The following PRPH2 variants were observed in gnomAD, a reference collection of about 807,000 sequenced individuals.
PRPH2 encodes peripherin 2.
PRPH2 carries 17 observed loss-of-function variants against 31.3 expected under a neutral mutation model. The ratio of observed to expected loss-of-function variants is 0.54; its 90% CI spans 0.37 to 0.81. PRPH2 has a LOEUF of 0.81. PRPH2 is among the 40% of genes least tolerant of loss of function. The pLI is 0.00. For missense variants in PRPH2, 430 were observed against 439.7 expected (o/e 0.98, Z 0.20); for synonymous variants, 165 against 184.4 (o/e 0.89, Z 0.85).
chr6:42,718,241 G>A (rs1761827693), intron 1 of PRPH2, among the ~76,000 whole-genome samples: 2 of 151,804 alleles, frequency 1.3e-5, no homozygotes, highest in Non-Finnish European at 2.9e-5. Flanking sequence ...AGCCTGGGAG[G>A]TGGGAGTTGC....
intron 1 of PRPH2, among the ~76,000 whole-genome samples, chr6:42,706,071 G>A (rs1412518051): frequency 1.3e-5 from 2 of 151,724 alleles, no homozygotes; most frequent in Non-Finnish European, 2.9e-5. Flanking sequence ...AGGAGTTCAA[G>A]ACCAGCCTGG....
Position 42,698,253 on chromosome 6 carries a change from C to T in PRPH2, c.*42G>A. On this transcript the variant is annotated 3_prime_UTR_variant, in exon 3 of 3. Coordinates refer to ENST00000230381, the MANE Select transcript of PRPH2 (RefSeq NM_000322.5). The stretch of plus-strand genomic sequence containing the variant: ...GGGGAGATCCACGTTTCTTGGAGTG[C>T]ACTATTTCTCAGTGTTCGGGAGGGG... The T allele has an allele frequency of 6.2e-7, 1 of 1,610,980 alleles. No homozygotes were observed. Among genetic ancestry groups the T allele is most frequent in the Non-Finnish European group, 8.5e-7 (1 of 1,179,206 alleles).
At chr6:42,720,758 G>C (rs149930118) in intron 1 of PRPH2, among the ~76,000 whole-genome samples, 232 of 152,294 alleles carry the variant, frequency 1.5e-3, no homozygotes, top group African/African-American at 5.5e-3. Flanking sequence ...CAGCCAGGTA[G>C]GGTCGAGTCA....
rs962704411 is a variant in PRPH2, at chr6:42,698,231, G to A, written c.*64C>T. 5.0e-6 allele frequency: 8 copies of A among 1,603,542 alleles called. No individual in the cohort carries two copies. Among genetic ancestry groups the A allele is most frequent in the East Asian group, 2.2e-5 (1 of 44,770 alleles). On this transcript the variant is annotated 3_prime_UTR_variant, in exon 3 of 3. Coordinates refer to ENST00000230381, the MANE Select transcript of PRPH2 (RefSeq NM_000322.5). Reference sequence around the variant, plus strand: ...CAGACTTTCGGAGTTGGATGAGGGGGAGATCCACGTTTCTTGGAGTGCACT... The same window carrying A: ...CAGACTTTCGGAGTTGGATGAGGGGAAGATCCACGTTTCTTGGAGTGCACT...
At chr6:42,709,886 TCAGGTAC>T (rs1800243140) in intron 1 of PRPH2, among the ~76,000 whole-genome samples, 1 of 152,092 alleles carries the variant, frequency 6.6e-6, no homozygotes, top group Non-Finnish European at 1.5e-5. Context: ...CCACCTACCC[TCAGGTAC>T]CTACCAGGTG....
chr6:42,696,840 C>A lies in PRPH2; in HGVS notation c.*1455G>T, dbSNP rs960107437. The stretch of plus-strand genomic sequence containing the variant: ...AACGTCTGACAGGGTGTCCAAACAT[C>A]TTGGATCTGGTCTTCTGCTTGGGGG... On this transcript the variant is annotated 3_prime_UTR_variant, in exon 3 of 3. Coordinates refer to ENST00000230381, the MANE Select transcript of PRPH2 (RefSeq NM_000322.5). 4.0e-5 allele frequency: 6 copies of A among 151,872 alleles called. No individual in the cohort carries two copies. The highest frequency in any genetic ancestry group is 1.5e-4 in the African/African-American group (6 of 41,314). 9.4% of individuals were successfully genotyped at this position (151,872 alleles called of 1,614,324 possible).
intron 1 of PRPH2, among the ~76,000 whole-genome samples, chr6:42,715,251 A>T (rs1403402426): frequency 1.3e-5 from 2 of 152,088 alleles, no homozygotes; most frequent in African/African-American, 2.4e-5. Context: ...AGATTAAGAC[A>T]AAAACTTCCC....
chr6:42,706,845 G>T (rs528450837), intron 1 of PRPH2, among the ~76,000 whole-genome samples: 2 of 152,230 alleles, frequency 1.3e-5, no homozygotes, highest in Non-Finnish European at 2.9e-5. Context: ...TTCCACCAGA[G>T]AGAGGCTTCA....
At chr6:42,700,644 G>A (rs975038031) in intron 2 of PRPH2, among the ~76,000 whole-genome samples, 5 of 152,152 alleles carry the variant, frequency 3.3e-5, no homozygotes, top group Non-Finnish European at 7.4e-5. Context: ...ATGTGAACGC[G>A]TCCACTCTGA....
intron 1 of PRPH2, among the ~76,000 whole-genome samples, chr6:42,717,899 CTCA>C (rs779757867): frequency 1.5e-4 from 23 of 152,136 alleles, no homozygotes; most frequent in Non-Finnish European, 3.1e-4. Context: ...GGCGCGGTGG[CTCA>C]TGTTTGGAAT....
chr6:42,712,731 T>C (rs960975165), intron 1 of PRPH2, among the ~76,000 whole-genome samples: 1 of 151,920 alleles, frequency 6.6e-6, no homozygotes, highest in African/African-American at 2.4e-5. Flanking sequence ...TTTTCCTTTT[T>C]TTTTTAGAGA....
At chr6:42,714,418 G>T (rs1345728408) in intron 1 of PRPH2, among the ~76,000 whole-genome samples, 3 of 152,188 alleles carry the variant, frequency 2.0e-5, no homozygotes, top group Non-Finnish European at 4.4e-5. Flanking sequence ...AAAATTGATT[G>T]TAATGCTGGT....
intron 2 of PRPH2, 23 bp from the exon 3 acceptor site, chr6:42,698,530 A>G (rs752845467): frequency 1.2e-6 from 2 of 1,613,964 alleles, no homozygotes; most frequent in South Asian, 2.2e-5. Context: ...GAGGAGATTT[A>G]GAGGCAATCT....
rs1262704609 is a variant in PRPH2, at chr6:42,717,941, G to C, written c.581+3813C>G. ...AGCACTTTGGGAGGTTGAGGCGGGA[G>C]CATCACTTGAGCCCAGAAGTTAAAG... On this transcript the variant is annotated intron_variant, in intron 1 of 2. Coordinates refer to ENST00000230381, the MANE Select transcript of PRPH2 (RefSeq NM_000322.5). Among the ~76,000 whole-genome samples the C allele has an allele frequency of 2.6e-5, 4 of 152,170 alleles. 1 individual carries two copies. The highest frequency in any genetic ancestry group is 9.7e-5 in the African/African-American group (4 of 41,442).
chr6:42,701,943 A>C (rs1800053508), intron 2 of PRPH2, among the ~76,000 whole-genome samples: 1 of 152,056 alleles, frequency 6.6e-6, no homozygotes, highest in African/African-American at 2.4e-5. Flanking sequence ...TTGCCTCAGC[A>C]TTAAAAGAAG....
chr6:42,705,968 A>AAAAAAG (rs2063182786), intron 1 of PRPH2, among the ~76,000 whole-genome samples: 1 of 150,916 alleles, frequency 6.6e-6, no homozygotes, highest in African/African-American at 2.4e-5. Flanking sequence ...CAAAAAAAAA[A>AAAAAAG]AAAAGAAAAA....
chr6:42,706,973 A>AGC (rs1800178149), intron 1 of PRPH2, among the ~76,000 whole-genome samples: 1 of 119,070 alleles, frequency 8.4e-6, no homozygotes. Context: ...TATCTTGGAG[A>AGC]TCTTTTTTTT....
At chr6:42,713,026 A>G (rs538845975) in intron 1 of PRPH2, among the ~76,000 whole-genome samples, 7 of 151,640 alleles carry the variant, frequency 4.6e-5, no homozygotes, top group African/African-American at 1.7e-4. Context: ...GGAGTTCGAG[A>G]CCAGCCTGGC....
chr6:42,704,578 C>A lies in PRPH2; in HGVS notation c.615G>T (p.Leu205=), dbSNP rs1211333158. The A allele has an allele frequency of 6.2e-7, 1 of 1,614,068 alleles. No individual in the cohort carries two copies. The highest frequency in any genetic ancestry group is 2.2e-5 in the East Asian group (1 of 44,900). Residue 205 remains leucine (L), a synonymous_variant, in exon 2 of 3, where the codon CTG becomes CTT. Transcript: ENST00000230381. ...AGCAGCTGAAAGGGACGCCGTCCAC[C>A]AGGTACCGCCCATCCACGTTGCTCT... ...RIKSNVDGRY[L]VDGVPFSCCN... is the part of the protein sequence containing the mutation.
Sources: gnomAD v4.1 joint callset for allele counts (sites outside exome capture counted in the v4.1 genomes callset) on GRCh38, gnomAD v4.1.1 for gene constraint, MANE v1.5 for transcripts, NCBI Gene and HGNC (gene_info 2026-07-23, HGNC 2026-07-21) for gene names.